Variants in NSUN7 observed in about 807,000 individuals in gnomAD.
NSUN7 encodes NOP2/Sun RNA methyltransferase family member 7.
Under a neutral mutation model 58.5 loss-of-function variants are expected in NSUN7, and 39 were observed. The observed-to-expected ratio is 0.67, with a 90% confidence interval of 0.52 to 0.87. The LOEUF is 0.87. Among genes scored for constraint, NSUN7 ranks in the 40% least tolerant of loss-of-function variants. The probability of loss-of-function intolerance (pLI) is 0.00; values close to 1 mark genes in which losing one functional copy is unlikely to be tolerated. For missense variants in NSUN7, 765 were observed against 844.1 expected (o/e 0.91, Z 1.16); for synonymous variants, 278 against 303.7 (o/e 0.92, Z 0.88).
chr4:40,774,423 TG>T lies in NSUN7; in HGVS notation c.641+7del. On this transcript the variant is annotated splice_region_variant and intron_variant, in intron 5 of 11. Coordinates refer to ENST00000381782, the MANE Select transcript of NSUN7 (RefSeq NM_024677.6). ...ATAAATACTTGTAAAATCAGGTAAG[TG>T]TTTAAATCAAATTCTTTATATTTCA... 6.2e-7 allele frequency: 1 copy of T among 1,610,550 alleles called. No individual in the cohort carries two copies. Among genetic ancestry groups the T allele is most frequent in the Non-Finnish European group, 8.5e-7 (1 of 1,177,690 alleles).
In NSUN7 at chr4:40,798,788, T is replaced by A; in HGVS notation, c.1284T>A (p.Phe428Leu). 6.4e-7 allele frequency: 1 copy of A among 1,571,192 alleles called. No homozygotes were observed. The highest frequency in any genetic ancestry group is 8.7e-7 in the Non-Finnish European group (1 of 1,143,730). Residue 428 changes from phenylalanine to leucine, a missense_variant and splice_region_variant, in exon 10 of 12, where the codon TTT (phenylalanine) becomes TTA (leucine). Phe to Leu is a conservative substitution (Grantham distance 22). Transcript: ENST00000381782. ...QYEQLTHAMK[F>L]TKAQAVVYCT... ...TCATTGCATCTTCTTCTAATATAGT[T>A]ACTAAAGCTCAAGCAGTTGTTTACT...
At chr4:40,754,368 G>C (rs1741029497) in intron 2 of NSUN7, among the ~76,000 whole-genome samples, 1 of 152,034 alleles carries the variant, frequency 6.6e-6, no homozygotes, top group South Asian at 2.1e-4. Flanking sequence ...GGCTGGTCTT[G>C]AACTCCTAAC....
In NSUN7 at chr4:40,799,907, A is replaced by AT. The variant is rs886870253; in HGVS notation, c.1400+1011dup. Among the ~76,000 whole-genome samples, 49 of 152,066 alleles carry AT rather than the reference A, an allele frequency of 3.2e-4. 1 individual carries two copies. Among genetic ancestry groups the AT allele is most frequent in the African/African-American group, 1.1e-3 (47 of 41,494 alleles). On this transcript the variant is annotated intron_variant, in intron 10 of 11. Transcript: ENST00000381782. ...TCATGATAAAATTTGCAAATTTGTA[A>AT]TTTTTTTTGTTCCCCATTGTAAAAA...
At chr4:40,787,217 C>T (rs920104059) in intron 7 of NSUN7, among the ~76,000 whole-genome samples, 1 of 151,370 alleles carries the variant, frequency 6.6e-6, no homozygotes, top group African/African-American at 2.4e-5. Flanking sequence ...CTAGGAAAAC[C>T]AGAGACCTTT....
At chr4:40,793,414 C>G (rs779279354) in intron 8 of NSUN7, among the ~76,000 whole-genome samples, 7 of 152,090 alleles carry the variant, frequency 4.6e-5, no homozygotes, top group African/African-American at 7.2e-5. Flanking sequence ...TGCACTCCAG[C>G]CTGGATGACA....
Position 40,808,753 on chromosome 4 carries a change from T to C in NSUN7, c.1971T>C (p.Phe657=). 6.5e-7 allele frequency: 1 copy of C among 1,549,910 alleles called. No homozygotes were observed. Among genetic ancestry groups the C allele is most frequent in the South Asian group, 1.2e-5 (1 of 83,876 alleles). The change falls in exon 12 of 12, where the codon TTT becomes TTC. Residue 657 remains phenylalanine (F), a synonymous_variant. Transcript: ENST00000381782. ...KPIKIVLPPV[F]MPFSSPQGIR... is the part of the protein sequence containing the mutation. ...TCAAGATTGTTCTGCCTCCAGTCTT[T>C]ATGCCATTTTCAAGTCCCCAAGGGA...
intron 4 of NSUN7, among the ~76,000 whole-genome samples, chr4:40,772,627 G>T (rs1742065732): frequency 6.6e-6 from 1 of 152,090 alleles, no homozygotes; most frequent in Non-Finnish European, 1.5e-5. Context: ...GAGTAGATAA[G>T]AAATGTAGAA....
chr4:40,789,170 T>G (rs1424939107), intron 7 of NSUN7, among the ~76,000 whole-genome samples: 2 of 152,216 alleles, frequency 1.3e-5, no homozygotes, highest in Admixed American at 6.5e-5. Flanking sequence ...ATTGGTCTTC[T>G]AAAGATTCAC....
intron 7 of NSUN7, among the ~76,000 whole-genome samples, chr4:40,787,132 C>G (rs1020621344): frequency 6.6e-6 from 1 of 151,224 alleles, no homozygotes; most frequent in African/African-American, 2.4e-5. Context: ...CAGAGTATCT[C>G]TTAACAAAAC....
chr4:40,806,206 GCTGGTCTCGAA>G (rs1165331990), intron 10 of NSUN7, among the ~76,000 whole-genome samples: 1 of 152,046 alleles, frequency 6.6e-6, no homozygotes, highest in Non-Finnish European at 1.5e-5. Flanking sequence ...TGTTGGCCAG[GCTGGTCTCGAA>G]CTCCTGGCCT....
intron 7 of NSUN7, chr4:40,776,464 T>C (rs1742274543): frequency 2.5e-6 from 1 of 394,006 alleles, no homozygotes; most frequent in Non-Finnish European, 4.5e-6. Context: ...AATTTCTTGG[T>C]ACTTTGTAAT....
At chr4:40,800,615 C>T (rs188155604) in intron 10 of NSUN7, among the ~76,000 whole-genome samples, 14 of 152,346 alleles carry the variant, frequency 9.2e-5, no homozygotes, top group Admixed American at 2.0e-4. Flanking sequence ...GCTGGGATTA[C>T]AGGCGTGAGC....
chr4:40,801,336 T>C (rs1303240551), intron 10 of NSUN7, among the ~76,000 whole-genome samples: 2 of 152,204 alleles, frequency 1.3e-5, no homozygotes, highest in Non-Finnish European at 2.9e-5. Context: ...ACCTACATCA[T>C]TAGATCCTTG....
chr4:40,768,967 C>G (rs1370467111), intron 4 of NSUN7, among the ~76,000 whole-genome samples: 1 of 152,164 alleles, frequency 6.6e-6, no homozygotes. Context: ...CCAAACCACC[C>G]CAAAACCATT....
intron 4 of NSUN7, among the ~76,000 whole-genome samples, chr4:40,770,210 CAAAAAAA>C (rs36059628): frequency 1.1e-5 from 1 of 94,768 alleles, no homozygotes; most frequent in Admixed American, 1.2e-4. Flanking sequence ...AACTCCATCT[CAAAAAAA>C]AAAAAAAAAA....
At chr4:40,789,915 G>A (rs1743000452) in intron 7 of NSUN7, among the ~76,000 whole-genome samples, 1 of 152,084 alleles carries the variant, frequency 6.6e-6, no homozygotes, top group Admixed American at 6.6e-5. Context: ...AAGATAGGGG[G>A]CACAGATGGC....
At chr4:40,799,085 T>TTTTTG (rs1560563890) in intron 10 of NSUN7, among the ~76,000 whole-genome samples, 181 bp downstream of exon 10, 18 of 139,678 alleles carry the variant, frequency 1.3e-4, no homozygotes, top group Admixed American at 9.3e-4. Flanking sequence ...TTTTTTTTTT[T>TTTTTG]TTTTTTTTTT....
intron 7 of NSUN7, among the ~76,000 whole-genome samples, chr4:40,784,978 T>G (rs949805757): frequency 6.6e-6 from 1 of 152,192 alleles, no homozygotes. Context: ...CAAAAATTAC[T>G]ACATGCTGGG....
rs1422465712 is a variant in NSUN7, at chr4:40,798,803, A to G, written c.1299A>G (p.Ala433=). 1.4e-5 allele frequency: 23 copies of G among 1,604,882 alleles called. No homozygotes were observed. The highest frequency in any genetic ancestry group is 2.0e-5 in the Non-Finnish European group (23 of 1,173,472). ...CTAATATAGTTACTAAAGCTCAAGC[A>G]GTTGTTTACTGCACATGTTCAGTTT... ...THAMKFTKAQ[A]VVYCTCSVFP... The change falls in exon 10 of 12, where the codon GCA becomes GCG. Residue 433 remains alanine, a synonymous_variant. Coordinates refer to ENST00000381782, the MANE Select transcript of NSUN7 (RefSeq NM_024677.6).
Sources: allele counts gnomAD v4.1 joint callset (sites outside exome capture counted in the v4.1 genomes callset), GRCh38; gene constraint gnomAD v4.1.1; transcripts MANE v1.5; gene names NCBI Gene and HGNC (gene_info 2026-07-23, HGNC 2026-07-21).